Variants in PPP3CA observed in about 807,000 individuals in gnomAD.
The protein encoded by PPP3CA is CAM-PRP catalytic subunit.
Under a neutral mutation model 66.5 loss-of-function variants are expected in PPP3CA, and 14 were observed. The observed-to-expected ratio is 0.21, with a 90% CI of 0.14 to 0.33. The LOEUF is 0.33. Ranked by LOEUF, PPP3CA falls within the 10% of genes least tolerant of loss-of-function variation. The probability of loss-of-function intolerance (pLI) is 1.00; values close to 1 mark genes in which losing one functional copy is unlikely to be tolerated. For synonymous variants in PPP3CA, 232 were observed against 226.2 expected, an observed-to-expected ratio of 1.03 and a Z score of -0.23; for missense variants, 317 against 639.5, an observed-to-expected ratio of 0.50 and a Z score of 5.44.
intron 1 of PPP3CA, among the ~76,000 whole-genome samples, chr4:101,209,573 T>A (rs567707270): frequency 6.6e-6 from 1 of 152,324 alleles, no homozygotes; most frequent in East Asian, 1.9e-4. Flanking sequence ...AAAGTACAAT[T>A]TTGAATGTAA....
intron 1 of PPP3CA, among the ~76,000 whole-genome samples, chr4:101,223,994 T>C (rs1159490867): frequency 6.6e-6 from 1 of 151,632 alleles, no homozygotes; most frequent in Non-Finnish European, 1.5e-5. Flanking sequence ...GAAAACAAAA[T>C]TTGGGGCTAA....
intron 1 of PPP3CA, among the ~76,000 whole-genome samples, chr4:101,226,857 A>T (rs1428619263): frequency 2.6e-5 from 4 of 151,752 alleles, no homozygotes; most frequent in Non-Finnish European, 5.9e-5. Flanking sequence ...GAATACTGAT[A>T]TCATGAAACA....
At chr4:101,106,453 G>GAAAGAAAGAAAGAAAGAGAAAAGAAA (rs775018059) in intron 3 of PPP3CA, among the ~76,000 whole-genome samples, 1 of 35,516 alleles carries the variant, frequency 2.8e-5, no homozygotes. Flanking sequence ...AAGAAAGAAA[G>GAAAGAAAGAAAGAAAGAGAAAAGAAA]AGAAAAGAAA....
chr4:101,260,937 A>G (rs1726990640), intron 1 of PPP3CA, among the ~76,000 whole-genome samples: 1 of 152,142 alleles, frequency 6.6e-6, no homozygotes, highest in Non-Finnish European at 1.5e-5. Flanking sequence ...GAGTTCTTAA[A>G]AGAAAGGATA....
At chr4:101,270,565 C>G (rs1039765848) in intron 1 of PPP3CA, among the ~76,000 whole-genome samples, 1 of 151,994 alleles carries the variant, frequency 6.6e-6, no homozygotes, top group African/African-American at 2.4e-5. Flanking sequence ...AATTAGATAC[C>G]AAAGGAGGTT....
chr4:101,290,208 T>G (rs928868708), intron 1 of PPP3CA, among the ~76,000 whole-genome samples: 3 of 152,226 alleles, frequency 2.0e-5, no homozygotes, highest in Non-Finnish European at 4.4e-5. Flanking sequence ...TAACTGTTTC[T>G]AGTTTGATTA....
At chr4:101,080,499 G>T in intron 8 of PPP3CA, 33 bp downstream of exon 8, 2 of 1,161,314 alleles carry the variant, frequency 1.7e-6, no homozygotes, top group Non-Finnish European at 2.4e-6. Context: ...CACATATTAT[G>T]TAAGACTGCA....
intron 2 of PPP3CA, among the ~76,000 whole-genome samples, chr4:101,167,623 A>T (rs1362094022): frequency 6.6e-6 from 1 of 152,204 alleles, no homozygotes; most frequent in Non-Finnish European, 1.5e-5. Context: ...AATGGAGATT[A>T]TAATCTAGGG....
chr4:101,224,175 A>G (rs1227086775), intron 1 of PPP3CA, among the ~76,000 whole-genome samples: 2 of 151,832 alleles, frequency 1.3e-5, no homozygotes, highest in Non-Finnish European at 2.9e-5. Context: ...ATTAATAATT[A>G]CACTGGGACA....
intron 3 of PPP3CA, among the ~76,000 whole-genome samples, chr4:101,106,453 G>GAAAGAAAGAGAAA (rs775018059): frequency 5.6e-5 from 2 of 35,516 alleles, no homozygotes; most frequent in Non-Finnish European, 1.1e-4. Context: ...AAGAAAGAAA[G>GAAAGAAAGAGAAA]AGAAAAGAAA....
chr4:101,307,014 C>A (rs959348251), intron 1 of PPP3CA, among the ~76,000 whole-genome samples: 2 of 152,090 alleles, frequency 1.3e-5, no homozygotes, highest in Non-Finnish European at 2.9e-5. Flanking sequence ...CATGCTATGT[C>A]TCCTCTCAAG....
rs547920498 is a variant in PPP3CA at position 101,300,062 on chromosome 4, C to T, written c.58+46677G>A. Among the ~76,000 whole-genome samples the T allele has an allele frequency of 1.6e-3, 249 of 152,118 alleles. 4 individuals are homozygous for T. The highest frequency in any genetic ancestry group is 0.016 in the South Asian group (75 of 4,816). ...CCAGAAACATAGTCTACTAAGAAGG[C>T]GGGGTGGAGGAAGTAAATAAGCAGA... On this transcript the variant is annotated intron_variant, in intron 1 of 13. Transcript: ENST00000394854.
chr4:101,096,065 GGACA>G (rs1730183922), intron 5 of PPP3CA, among the ~76,000 whole-genome samples: 1 of 152,054 alleles, frequency 6.6e-6, no homozygotes, highest in South Asian at 2.1e-4. Flanking sequence ...TTGCAAAAAT[GGACA>G]CAAAGACACA....
At chr4:101,218,495 TTTG>T (rs1316573928) in intron 1 of PPP3CA, among the ~76,000 whole-genome samples, 1 of 152,014 alleles carries the variant, frequency 6.6e-6, no homozygotes, top group Non-Finnish European at 1.5e-5. Context: ...TTGCTTAATT[TTTG>T]TTGTTGTTAC....
At chr4:101,139,410 C>T (rs1434152451) in intron 2 of PPP3CA, among the ~76,000 whole-genome samples, 1 of 151,184 alleles carries the variant, frequency 6.6e-6, no homozygotes, top group East Asian at 1.9e-4. Context: ...GTGATAGGGT[C>T]AAGCCCAGGA....
chr4:101,296,591 A>G (rs1174506096), intron 1 of PPP3CA, among the ~76,000 whole-genome samples: 1 of 152,164 alleles, frequency 6.6e-6, no homozygotes, highest in Non-Finnish European at 1.5e-5. Context: ...CTCTTTTTAA[A>G]GGTGGAATCC....
At chr4:101,332,895 C>T (rs1729434162) in intron 1 of PPP3CA, among the ~76,000 whole-genome samples, 1 of 152,104 alleles carries the variant, frequency 6.6e-6, no homozygotes, top group Non-Finnish European at 1.5e-5. Context: ...TGCTGTCTCC[C>T]CATCACTGGA....
intron 2 of PPP3CA, among the ~76,000 whole-genome samples, chr4:101,150,367 T>C (rs1396838567): frequency 3.3e-5 from 5 of 152,338 alleles, no homozygotes; most frequent in African/African-American, 1.2e-4. Context: ...TATTGTGCAG[T>C]GTGAAGAGAG....
At chr4:101,241,215 T>C (rs574328039) in intron 1 of PPP3CA, among the ~76,000 whole-genome samples, 1 of 152,094 alleles carries the variant, frequency 6.6e-6, no homozygotes. Flanking sequence ...AGAAGTGACC[T>C]AGGCTTTCAT....
Sources: allele counts gnomAD v4.1 joint callset (sites outside exome capture counted in the v4.1 genomes callset), GRCh38; gene constraint gnomAD v4.1.1; transcripts MANE v1.5; gene names NCBI Gene and HGNC (gene_info 2026-07-23, HGNC 2026-07-21).